DIS3L2: variants seen among roughly 807,000 people sequenced by gnomAD.
DIS3L2 encodes DIS3 like 3'-5' exoribonuclease 2, also known as DIS3-like exonuclease 2.
A neutral mutation model predicts 97.5 loss-of-function variants in DIS3L2; 34 were observed. The ratio of observed to expected loss-of-function variants is 0.35; its 90% CI spans 0.27 to 0.46. The LOEUF is 0.46. DIS3L2 is among the 20% of genes least tolerant of loss of function. DIS3L2 has a pLI of 1.00. For synonymous variants in DIS3L2, 435 were observed against 445.2 expected (o/e 0.98, Z 0.29); for missense variants, 1,038 against 1,146.0 (o/e 0.91, Z 1.36).
At position 232,331,536 on chromosome 2, in the gene DIS3L2, A is replaced by G. The variant is rs553316570; in HGVS notation, c.2010+760A>G. On this transcript the variant is annotated intron_variant, in intron 16 of 20. Coordinates refer to ENST00000325385, the MANE Select transcript of DIS3L2 (RefSeq NM_152383.5). The stretch of plus-strand genomic sequence containing the variant: ...TTCAAGCTCTGCTGGGTTTGAAGCC[A>G]TCAGGGCCTGCTTGGGCCTGGTCAC... 4 of 152,322 alleles carry G rather than the reference A, an allele frequency of 2.6e-5. No individual in the cohort carries two copies. In the South Asian group the frequency reaches 8.3e-4, roughly 32 times the overall value. The allele number at this position is 152,322 out of a possible 1,614,324, so 9.4% of individuals were successfully genotyped here. A position where few individuals can be genotyped will look rare whatever the true frequency, so the allele number is the denominator to read the frequency against.
Position 232,181,876 on chromosome 2 carries a change from G to A in DIS3L2, c.1124+18244G>A, listed in dbSNP as rs536948466. Among the ~76,000 whole-genome samples, 13 of 151,974 alleles carry A rather than the reference G, an allele frequency of 8.6e-5. 1 individual carries two copies. In the South Asian group the frequency reaches 1.7e-3, roughly 19 times the overall value. On this transcript the variant is annotated intron_variant, in intron 9 of 20. Coordinates refer to ENST00000325385, the MANE Select transcript of DIS3L2 (RefSeq NM_152383.5). ...CATGTTGGCCAGGTTGGTCTCGAGCGCCTGACCTCAGGTGATCTGCCCACC... is the reference window on the plus strand; with the variant it reads ...CATGTTGGCCAGGTTGGTCTCGAGCACCTGACCTCAGGTGATCTGCCCACC...
rs146906848 is a variant in DIS3L2, at chr2:231,969,008, G to A, written c.-94+7243G>A. Among the ~76,000 whole-genome samples, 4 of 152,128 alleles carry A rather than the reference G, an allele frequency of 2.6e-5. No homozygotes were observed. The East Asian group carries it at 7.7e-4, about 29-fold the overall frequency. ...GGTAGTTTTTCCTTTGTTCTCACAT[G>A]CTCTCTCACTTGCCTGCCGCCGCCG... On this transcript the variant is annotated intron_variant, in intron 1 of 20. Coordinates refer to ENST00000325385, the MANE Select transcript of DIS3L2 (RefSeq NM_152383.5).
intron 8 of DIS3L2, among the ~76,000 whole-genome samples, chr2:232,139,383 A>G (rs1463354630): frequency 1.3e-5 from 2 of 152,170 alleles, no homozygotes; most frequent in Non-Finnish European, 2.9e-5. Context: ...TGCCAGTCCT[A>G]TGGCAGTTAC....
At chr2:232,289,948 G>A (rs1694551932) in intron 13 of DIS3L2, among the ~76,000 whole-genome samples, 1 of 152,252 alleles carries the variant, frequency 6.6e-6, no homozygotes, top group Non-Finnish European at 1.5e-5. Flanking sequence ...AGGAAATCTA[G>A]ATAGCATCTT....
chr2:232,055,187 G>C (rs904161735), intron 5 of DIS3L2, among the ~76,000 whole-genome samples: 1 of 152,198 alleles, frequency 6.6e-6, no homozygotes, highest in Non-Finnish European at 1.5e-5. Context: ...AATGAAGCGA[G>C]GATGCTCACT....
At chr2:231,965,111 T>C (rs1692674684) in intron 1 of DIS3L2, among the ~76,000 whole-genome samples, 1 of 152,228 alleles carries the variant, frequency 6.6e-6, no homozygotes, top group Admixed American at 6.5e-5. Flanking sequence ...TCTAAAATAG[T>C]GAAGTTACTA....
chr2:232,218,005 ATAGGGCAGGACCCCTTT>A lies in DIS3L2; in HGVS notation c.1204+7603_1204+7619del, dbSNP rs547614006. Among the ~76,000 whole-genome samples, 321 of 152,308 alleles carry A rather than the reference ATAGGGCAGGACCCCTTT, an allele frequency of 2.1e-3. 2 individuals carry two copies. The highest frequency in any genetic ancestry group is 7.3e-3 in the African/African-American group (304 of 41,558). ...TGTGCAGCATTCCCTCTTCCAGGAT[ATAGGGCAGGACCCCTTT>A]TAAAATGGAAGTCTTCCAACCCACA... is the stretch of plus-strand genomic sequence containing the variant. On this transcript the variant is annotated intron_variant, in intron 10 of 20. Transcript: ENST00000325385.
At chr2:232,030,897 T>C (rs1373667589) in intron 5 of DIS3L2, among the ~76,000 whole-genome samples, 1 of 152,162 alleles carries the variant, frequency 6.6e-6, no homozygotes, top group Non-Finnish European at 1.5e-5. Context: ...ATATCATTTG[T>C]TTTATTTGGC....
At chr2:232,262,396 C>T (rs1693735218) in intron 12 of DIS3L2, among the ~76,000 whole-genome samples, 2 of 152,188 alleles carry the variant, frequency 1.3e-5, no homozygotes, top group African/African-American at 4.8e-5. Context: ...ATAAAATGCA[C>T]CTCAGTGGTA....
At chr2:232,077,906 T>G (rs1174736137) in intron 5 of DIS3L2, among the ~76,000 whole-genome samples, 5 of 152,200 alleles carry the variant, frequency 3.3e-5, no homozygotes. Flanking sequence ...GGCCCTTTAC[T>G]GTACTTTGTT....
chr2:232,224,606 A>G (rs979110783), intron 10 of DIS3L2, among the ~76,000 whole-genome samples: 1 of 152,168 alleles, frequency 6.6e-6, no homozygotes, highest in African/African-American at 2.4e-5. Context: ...TGGAAGGTGC[A>G]GGCAGGTGGA....
At chr2:232,327,677 G>C (rs944659665) in intron 14 of DIS3L2, among the ~76,000 whole-genome samples, 3 of 152,206 alleles carry the variant, frequency 2.0e-5, no homozygotes, top group African/African-American at 7.2e-5. Flanking sequence ...GTGTTCATGT[G>C]GGGGACTGCA....
At chr2:232,217,030 A>T (rs1053516374) in intron 10 of DIS3L2, among the ~76,000 whole-genome samples, 10 of 152,116 alleles carry the variant, frequency 6.6e-5, no homozygotes, top group Non-Finnish European at 1.5e-4. Flanking sequence ...TTTAGTAGAG[A>T]TGGGGTTTCA....
At chr2:232,266,495 T>C (rs1693861390) in intron 13 of DIS3L2, among the ~76,000 whole-genome samples, 1 of 152,212 alleles carries the variant, frequency 6.6e-6, no homozygotes, top group African/African-American at 2.4e-5. Flanking sequence ...AATTAAGGTT[T>C]GAAAATAAGG....
downstream of DIS3L2, chr2:232,340,843 G>A (rs775419803): frequency 8.5e-6 from 4 of 471,498 alleles, no homozygotes; most frequent in South Asian, 3.1e-5. Flanking sequence ...CACTGCTCAT[G>A]CCTATCCGTG....
downstream of DIS3L2, chr2:232,340,721 C>T (rs7423787): frequency 0.06 from 28,016 of 470,212 alleles, 1,103 homozygotes; most frequent in Admixed American, 0.13. Flanking sequence ...TCCATCCCAG[C>T]AGGAGACAAA....
chr2:232,113,514 C>G (rs1480108027), intron 6 of DIS3L2, among the ~76,000 whole-genome samples: 1 of 152,186 alleles, frequency 6.6e-6, no homozygotes. Flanking sequence ...CACACCTATT[C>G]CCACTATGCC....
At chr2:232,070,752 C>T (rs891246323) in intron 5 of DIS3L2, among the ~76,000 whole-genome samples, 12 of 151,856 alleles carry the variant, frequency 7.9e-5, no homozygotes, top group African/African-American at 2.4e-4. Context: ...ACCCAGCTAA[C>T]GTTTGTATTT....
chr2:232,176,512 G>C (rs1691159019), intron 9 of DIS3L2, among the ~76,000 whole-genome samples: 1 of 148,344 alleles, frequency 6.7e-6, no homozygotes, highest in Non-Finnish European at 1.5e-5. Flanking sequence ...TTTTCTGCTT[G>C]CTTAGGTTTA....
Sources: gnomAD v4.1 joint callset for allele counts (sites outside exome capture counted in the v4.1 genomes callset) on GRCh38, gnomAD v4.1.1 for gene constraint, MANE v1.5 for transcripts, NCBI Gene and HGNC (gene_info 2026-07-23, HGNC 2026-07-21) for gene names.